The following FUT9 variants were observed in gnomAD, a reference collection of about 807,000 sequenced individuals.
FUT9 encodes the protein 4-galactosyl-N-acetylglucosaminide 3-alpha-L-fucosyltransferase 9.
Under a neutral mutation model 29.7 loss-of-function variants are expected in FUT9, and 15 were observed. The observed-to-expected ratio is 0.51, with a 90% CI of 0.34 to 0.78. FUT9 has a LOEUF of 0.78. FUT9 is among the 30% of genes least tolerant of loss of function. The pLI is 0.01. For missense variants in FUT9, 319 were observed against 425.4 expected (o/e 0.75, Z 2.20); for synonymous variants, 169 against 153.7 (o/e 1.10, Z -0.74).
chr6:96,155,683 A>G (rs1772769814), intron 2 of FUT9, among the ~76,000 whole-genome samples: 1 of 145,082 alleles, frequency 6.9e-6, no homozygotes, highest in South Asian at 2.1e-4. Flanking sequence ...AAAAAAAAAA[A>G]AGGAAAGAAA....
intron 1 of FUT9, among the ~76,000 whole-genome samples, chr6:96,082,968 TGA>T (rs1771262317): frequency 6.6e-6 from 1 of 152,030 alleles, no homozygotes; most frequent in South Asian, 2.1e-4. Flanking sequence ...CATTTAGAAA[TGA>T]GAGTTCTTCA....
At chr6:96,086,499 A>T (rs1771319280) in intron 1 of FUT9, among the ~76,000 whole-genome samples, 5 of 152,172 alleles carry the variant, frequency 3.3e-5, no homozygotes, top group Admixed American at 2.0e-4. Flanking sequence ...ACTATATGTA[A>T]TGCTTAAGAA....
chr6:96,132,882 C>A (rs1772273539), intron 2 of FUT9, among the ~76,000 whole-genome samples: 1 of 151,976 alleles, frequency 6.6e-6, no homozygotes, highest in Admixed American at 6.6e-5. Context: ...ACACAAAAAG[C>A]ATATTATTCT....
chr6:96,142,750 A>T (rs1161373200), intron 2 of FUT9, among the ~76,000 whole-genome samples: 1 of 152,156 alleles, frequency 6.6e-6, no homozygotes. Flanking sequence ...GTTTATGCTT[A>T]AAAATATTTT....
chr6:96,062,300 G>T (rs967820745), intron 1 of FUT9, among the ~76,000 whole-genome samples: 1 of 151,960 alleles, frequency 6.6e-6, no homozygotes, highest in Non-Finnish European at 1.5e-5. Flanking sequence ...GAAGGAAAAA[G>T]ATATAGGAAG....
At chr6:96,092,547 T>C (rs1771428483) in intron 1 of FUT9, among the ~76,000 whole-genome samples, 1 of 152,236 alleles carries the variant, frequency 6.6e-6, no homozygotes. Context: ...AATATTATAC[T>C]TCTTCTAGCT....
chr6:96,060,519 A>G (rs946532937), intron 1 of FUT9, among the ~76,000 whole-genome samples: 1 of 151,706 alleles, frequency 6.6e-6, no homozygotes, highest in African/African-American at 2.4e-5. Flanking sequence ...AACATTAAGC[A>G]TAACTTTTTT....
chr6:96,208,616 G>T lies in FUT9; in HGVS notation c.*4381G>T, dbSNP rs1582312161. 2 of 166,748 alleles carry T rather than the reference G, an allele frequency of 1.2e-5. No individual in the cohort carries two copies. The highest frequency in any genetic ancestry group is 4.8e-5 in the African/African-American group (2 of 41,436). The allele number at this position is 166,748 out of a possible 1,614,324, so 10.3% of individuals were successfully genotyped here. On this transcript the variant is annotated 3_prime_UTR_variant, in exon 3 of 3. Coordinates refer to ENST00000302103, the MANE Select transcript of FUT9 (RefSeq NM_006581.4). ...TATTTTGTTAGTTTGTCACCTGGATGCAAAAGGAAGGCATTTTAATTCCTT... is the reference window on the plus strand; with the variant it reads ...TATTTTGTTAGTTTGTCACCTGGATTCAAAAGGAAGGCATTTTAATTCCTT...
At chr6:96,129,281 AAAAAAAAAAAAC>A (rs550777268) in intron 2 of FUT9, among the ~76,000 whole-genome samples, 16,603 of 92,560 alleles carry the variant, frequency 0.18, 2,093 homozygotes, top group South Asian at 0.26. Context: ...AAAAAAAAAA[AAAAAAAAAAAAC>A]AAACAACCAG....
chr6:96,021,924 T>C (rs1477185365), intron 1 of FUT9, among the ~76,000 whole-genome samples: 1 of 152,064 alleles, frequency 6.6e-6, no homozygotes, highest in Non-Finnish European at 1.5e-5. Flanking sequence ...GGTTAATTTA[T>C]GTTCAATATT....
At chr6:96,043,439 C>A (rs568179317) in intron 1 of FUT9, among the ~76,000 whole-genome samples, 58 of 152,286 alleles carry the variant, frequency 3.8e-4, no homozygotes, top group African/African-American at 1.3e-3. Context: ...CAATAGATGG[C>A]AGTCATACTT....
At chr6:96,130,970 C>A (rs908509571) in intron 2 of FUT9, among the ~76,000 whole-genome samples, 2 of 152,100 alleles carry the variant, frequency 1.3e-5, no homozygotes, top group Admixed American at 1.3e-4. Context: ...CCATAGTGGT[C>A]GTCCCTGCTT....
At chr6:96,065,519 T>C (rs1770947435) in intron 1 of FUT9, among the ~76,000 whole-genome samples, 1 of 152,172 alleles carries the variant, frequency 6.6e-6, no homozygotes, top group South Asian at 2.1e-4. Context: ...TATGATGGGA[T>C]GTGACCAGTA....
At chr6:96,043,154 C>G (rs1770495667) in intron 1 of FUT9, among the ~76,000 whole-genome samples, 1 of 152,126 alleles carries the variant, frequency 6.6e-6, no homozygotes, top group African/African-American at 2.4e-5. Flanking sequence ...CGGGTTCATG[C>G]CATTCTCCTG....
intron 2 of FUT9, among the ~76,000 whole-genome samples, chr6:96,124,297 G>A (rs9386321): frequency 1.3e-5 from 2 of 151,316 alleles, no homozygotes; most frequent in South Asian, 2.1e-4. Flanking sequence ...AACTAAAGGC[G>A]CCTGCCACCA....
At chr6:96,055,020 G>T (rs1002085900) in intron 1 of FUT9, among the ~76,000 whole-genome samples, 1 of 151,894 alleles carries the variant, frequency 6.6e-6, no homozygotes, top group Non-Finnish European at 1.5e-5. Context: ...CCTTGATTTA[G>T]TAATGAAATA....
rs116125930 is a variant in FUT9, at chr6:96,105,634, T to C, written c.-97-8405T>C. Among the ~76,000 whole-genome samples the C allele has an allele frequency of 4.9e-3, 740 of 152,302 alleles. 5 individuals carry two copies. The highest frequency in any genetic ancestry group is 0.017 in the African/African-American group (716 of 41,572). ...TCTTAAGTTTTCTAATTAAAATTTATAGTGATAGAATTATTTTTCATGCAG... is the reference window on the plus strand; with the variant it reads ...TCTTAAGTTTTCTAATTAAAATTTACAGTGATAGAATTATTTTTCATGCAG... On this transcript the variant is annotated intron_variant, in intron 1 of 2. Transcript: ENST00000302103.
rs1207466665 is a variant in FUT9 at position 96,210,761 on chromosome 6, GT to G, written c.*6527del. On this transcript the variant is annotated 3_prime_UTR_variant, in exon 3 of 3. Coordinates refer to ENST00000302103, the MANE Select transcript of FUT9 (RefSeq NM_006581.4). ...CATTCTTGGGTTCCAAAGTCTCCTT[GT>G]CTGATAGGTAATTTGCAATTGAGAT... 1.2e-5 allele frequency: 2 copies of G among 166,778 alleles called. No individual in the cohort carries two copies. Among genetic ancestry groups the G allele is most frequent in the Admixed American group, 1.3e-4 (2 of 15,218 alleles). The allele number at this position is 166,778 out of a possible 1,614,324, so 10.3% of individuals were successfully genotyped here. A position where few individuals can be genotyped will look rare whatever the true frequency, so the allele number is the denominator to read the frequency against.
intron 2 of FUT9, among the ~76,000 whole-genome samples, chr6:96,166,908 G>A (rs148031469): frequency 0.022 from 3,273 of 152,142 alleles, 92 homozygotes; most frequent in Non-Finnish European, 0.027. Context: ...TTGTCATACT[G>A]CATCATTTAG....
Sources: gnomAD v4.1 joint callset for allele counts (sites outside exome capture counted in the v4.1 genomes callset) on GRCh38, gnomAD v4.1.1 for gene constraint, MANE v1.5 for transcripts, NCBI Gene and HGNC (gene_info 2026-07-23, HGNC 2026-07-21) for gene names.